Variants in DCAF17 observed in about 807,000 individuals in gnomAD.
DCAF17 encodes DDB1- and CUL4-associated factor 17.
Under a neutral mutation model 66.0 loss-of-function variants are expected in DCAF17, and 48 were observed. The observed-to-expected ratio is 0.73, with a 90% CI of 0.58 to 0.92. The LOEUF (loss-of-function observed/expected upper bound fraction) is 0.92. Among genes scored for constraint, DCAF17 ranks in the 40% least tolerant of loss-of-function variants. The pLI, the probability that DCAF17 is intolerant of heterozygous loss-of-function variation, is 0.00. For synonymous variants in DCAF17, 206 were observed against 214.6 expected (o/e 0.96, Z 0.35); for missense variants, 562 against 622.8 (o/e 0.90, Z 1.04).
intron 2 of DCAF17, among the ~76,000 whole-genome samples, chr2:171,435,832 G>A (rs1206364802): frequency 1.3e-5 from 2 of 151,940 alleles, no homozygotes; most frequent in Non-Finnish European, 2.9e-5. Flanking sequence ...GGCTTTATTA[G>A]GATATAATTC....
Position 171,482,765 on chromosome 2 carries a change from GC to G in DCAF17, c.*1652del, listed in dbSNP as rs1559297784. 4.4e-6 allele frequency: 2 copies of G among 453,656 alleles called. No individual in the cohort carries two copies. The highest frequency in any genetic ancestry group is 2.4e-5 in the Admixed American group (1 of 42,504). The allele number at this position is 453,656 out of a possible 1,614,324, so 28.1% of individuals were successfully genotyped here. On this transcript the variant is annotated 3_prime_UTR_variant, in exon 14 of 14. Transcript: ENST00000375255. Reference sequence around the variant, plus strand: ...GTAAGGAACTCGTCTATTCTGAAAGGCATTTGAGAAATAGCTGAATTCCTGG... The same window carrying G: ...GTAAGGAACTCGTCTATTCTGAAAGGATTTGAGAAATAGCTGAATTCCTGG...
At chr2:171,479,947 A>G in intron 12 of DCAF17, 91 bp from the exon 13 acceptor site, 2 of 1,412,652 alleles carry the variant, frequency 1.4e-6, no homozygotes, top group East Asian at 4.6e-5. Context: ...TTTGTAAGTA[A>G]TAGAATACTT....
intron 5 of DCAF17, among the ~76,000 whole-genome samples, chr2:171,451,869 T>A (rs1223833786): frequency 1.3e-5 from 2 of 152,194 alleles, no homozygotes; most frequent in Non-Finnish European, 2.9e-5. Flanking sequence ...TTTTTTAAGT[T>A]TAATTCTATA....
chr2:171,434,605 T>C lies in DCAF17; in HGVS notation c.28T>C (p.Cys10Arg), dbSNP rs1330567400. Reference sequence around the variant, plus strand: ...GGGCCCGACCCGGAAGCCCAACGTGTGCAGCCGGCTGAGTCGCCGGGCGCT... The same window carrying C: ...GGGCCCGACCCGGAAGCCCAACGTGCGCAGCCGGCTGAGTCGCCGGGCGCT... MGPTRKPNVCSRLSRRALGC... is the reference protein window; with the variant it reads MGPTRKPNVRSRLSRRALGC... Residue 10 changes from cysteine (C) to arginine (R), a missense_variant, in exon 1 of 14, where the codon TGC becomes CGC. Cys to Arg is a radical substitution (Grantham distance 180). Coordinates refer to ENST00000375255, the MANE Select transcript of DCAF17 (RefSeq NM_025000.4). The C allele has an allele frequency of 1.3e-6, 2 of 1,527,958 alleles. No individual in the cohort carries two copies. Among genetic ancestry groups the C allele is most frequent in the Non-Finnish European group, 1.7e-6 (2 of 1,144,444 alleles). The allele number at this position is 1,527,958 out of a possible 1,614,324, so 94.7% of individuals were successfully genotyped here. A position where few individuals can be genotyped will look rare whatever the true frequency, so the allele number is the denominator to read the frequency against.
intron 5 of DCAF17, among the ~76,000 whole-genome samples, chr2:171,451,335 A>G (rs1171565799): frequency 1.3e-5 from 2 of 152,066 alleles, no homozygotes; most frequent in African/African-American, 4.8e-5. Context: ...TTTTATTGGA[A>G]TCTCCTTACC....
intron 6 of DCAF17, among the ~76,000 whole-genome samples, chr2:171,456,634 C>T (rs983907817): frequency 2.6e-5 from 4 of 152,192 alleles, no homozygotes; most frequent in African/African-American, 9.7e-5. Flanking sequence ...TAACCATGAA[C>T]ATGGAGTGTT....
At chr2:171,480,763 G>A (rs1278542846) in intron 13 of DCAF17, among the ~76,000 whole-genome samples, 1 of 152,252 alleles carries the variant, frequency 6.6e-6, no homozygotes, top group African/African-American at 2.4e-5. Context: ...CCTGGGTCCA[G>A]AGTTCTTTTT....
chr2:171,443,200 C>CAG (rs1473969155), intron 2 of DCAF17: 4 of 185,450 alleles, frequency 2.2e-5, no homozygotes, highest in African/African-American at 9.6e-5. Context: ...AGTAAATGTT[C>CAG]AGAGGTAAAG....
chr2:171,439,454 A>T (rs951820338), intron 2 of DCAF17, among the ~76,000 whole-genome samples: 3 of 151,234 alleles, frequency 2.0e-5, no homozygotes, highest in African/African-American at 7.3e-5. Flanking sequence ...ATAACTGTTA[A>T]AGGCGTTCTT....
chr2:171,472,165 C>T (rs909814754), intron 9 of DCAF17, among the ~76,000 whole-genome samples: 1 of 152,028 alleles, frequency 6.6e-6, no homozygotes, highest in Non-Finnish European at 1.5e-5. Context: ...ATTAGCACGT[C>T]TATACTTTTG....
chr2:171,450,038 T>C, intron 5 of DCAF17, 81 bp downstream of exon 5: 2 of 1,203,330 alleles, frequency 1.7e-6, no homozygotes, highest in Non-Finnish European at 1.2e-6. Flanking sequence ...AAAAATCTAA[T>C]GATCTTTTAT....
intron 2 of DCAF17, among the ~76,000 whole-genome samples, chr2:171,438,651 AATT>A (rs368766432): frequency 6.9e-4 from 105 of 152,304 alleles, no homozygotes; most frequent in African/African-American, 2.5e-3. Context: ...CTTTGTCTGA[AATT>A]AGTATAGCTA....
Position 171,434,370 on chromosome 2 carries a change from C to G in DCAF17, c.-208C>G. The G allele has an allele frequency of 1.2e-6, 1 of 847,678 alleles. No homozygotes were observed. Among genetic ancestry groups the G allele is most frequent in the Non-Finnish European group, 1.9e-6 (1 of 525,648 alleles). 52.5% of individuals were successfully genotyped at this position (847,678 alleles called of 1,614,324 possible). The stretch of plus-strand genomic sequence containing the variant: ...TCGAAAAGGGAGTGCTTCTTCCCTT[C>G]TCTCCGCGCTCTGGCGGTGCAAGCG... On this transcript the variant is annotated 5_prime_UTR_variant, in exon 1 of 14. Transcript: ENST00000375255.
rs942704494 is a variant in DCAF17 at position 171,482,321 on chromosome 2, A to G, written c.*1207A>G. ...GCTGATTCAAGTTTAAGGTTAAAAT[A>G]TGGAATTTTTAGCTTGGATGATTTA... On this transcript the variant is annotated 3_prime_UTR_variant, in exon 14 of 14. Transcript: ENST00000375255. 2.2e-5 allele frequency: 10 copies of G among 453,714 alleles called. No homozygotes were observed. Among genetic ancestry groups the G allele is most frequent in the Non-Finnish European group, 4.4e-5 (10 of 226,692 alleles). 28.1% of individuals were successfully genotyped at this position (453,714 alleles called of 1,614,324 possible). A position where few individuals can be genotyped will look rare whatever the true frequency, so the allele number is the denominator to read the frequency against.
chr2:171,478,638 A>G (rs1482696355), intron 12 of DCAF17, among the ~76,000 whole-genome samples: 2 of 152,370 alleles, frequency 1.3e-5, no homozygotes, highest in East Asian at 1.9e-4. Context: ...TGCTTTAAAC[A>G]TATAAACCAT....
chr2:171,473,911 G>T lies in DCAF17; in HGVS notation c.1027G>T (p.Asp343Tyr). The T allele has an allele frequency of 6.2e-7, 1 of 1,613,740 alleles. No individual in the cohort carries two copies. Among genetic ancestry groups the T allele is most frequent in the South Asian group, 1.1e-5 (1 of 91,046 alleles). ...QEMDCCSLESDWIYFHPDASG... is the reference protein window; with the variant it reads ...QEMDCCSLESYWIYFHPDASG... ...AATGGATTGTTGTTCTCTAGAATCTGACTGGATCTATTTCCATCCTGATGC... is the reference window on the plus strand; with the variant it reads ...AATGGATTGTTGTTCTCTAGAATCTTACTGGATCTATTTCCATCCTGATGC... The change falls in exon 10 of 14, where the codon GAC becomes TAC. Residue 343 changes from aspartate to tyrosine, a missense_variant. By Grantham distance (160) the Asp-to-Tyr change is radical. Coordinates refer to ENST00000375255, the MANE Select transcript of DCAF17 (RefSeq NM_025000.4).
At chr2:171,445,905 ACTC>A (rs1214805053) in intron 3 of DCAF17, among the ~76,000 whole-genome samples, 1 of 150,606 alleles carries the variant, frequency 6.6e-6, no homozygotes, top group African/African-American at 2.4e-5. Flanking sequence ...CTAGTCTTGA[ACTC>A]CTGGGCTCAA....
chr2:171,459,267 A>T (rs1695441375), intron 8 of DCAF17, among the ~76,000 whole-genome samples: 1 of 152,142 alleles, frequency 6.6e-6, no homozygotes, highest in African/African-American at 2.4e-5. Flanking sequence ...AGCCAAGATC[A>T]TGCCATTGCA....
rs1414634112 is a variant in DCAF17 at position 171,434,678 on chromosome 2, G to A, written c.101G>A (p.Gly34Asp). Residue 34 changes from glycine (G) to aspartate (D), a missense_variant, in exon 1 of 14, where the codon GGC becomes GAC. Gly to Asp is a moderately conservative substitution (Grantham distance 94, BLOSUM62 -1). This residue lies in a region of DCAF17 where 348 missense variants were observed against 355.9 expected (regional missense o/e 0.98). Transcript: ENST00000375255. ...GGCGTGGTGCAGAGGACCAACCTGG[G>A]CATCCTGCGGGCGCTGGTGTGCCAG... The part of the protein sequence containing the change: ...DAGVVQRTNL[G>D]ILRALVCQES... 5 of 1,506,770 alleles carry A rather than the reference G, an allele frequency of 3.3e-6. No homozygotes were observed. The highest frequency in any genetic ancestry group is 4.4e-6 in the Non-Finnish European group (5 of 1,136,914). The allele number at this position is 1,506,770 out of a possible 1,614,324, so 93.3% of individuals were successfully genotyped here. A position where few individuals can be genotyped will look rare whatever the true frequency, so the allele number is the denominator to read the frequency against.
Sources: gnomAD v4.1 joint callset for allele counts (sites outside exome capture counted in the v4.1 genomes callset) on GRCh38, gnomAD v4.1.1 for gene constraint, gnomAD v4.1.1 regional missense constraint, MANE v1.5 for transcripts, NCBI Gene and HGNC (gene_info 2026-07-23, HGNC 2026-07-21) for gene names.